The following COL4A6 variants were observed in gnomAD, a reference collection of about 807,000 sequenced individuals.
COL4A6 encodes the protein collagen type IV alpha 6 chain, also known as collagen alpha-6(IV) chain.
A neutral mutation model predicts 126.7 loss-of-function variants in COL4A6; 59 were observed. The ratio of observed to expected loss-of-function variants is 0.47; its 90% CI spans 0.38 to 0.58. COL4A6 has a LOEUF of 0.58. Ranked by LOEUF, COL4A6 falls within the 20% of genes least tolerant of loss-of-function variation. COL4A6 has a pLI of 0.00. For synonymous variants in COL4A6, 547 were observed against 496.6 expected, an observed-to-expected ratio of 1.10 and a Z score of -1.35; for missense variants, 1,285 against 1,337.3, an observed-to-expected ratio of 0.96 and a Z score of 0.61.
chrX:108,235,800 A>G (rs2036415134), intron 3 of COL4A6, among the ~76,000 whole-genome samples: 1 of 111,455 alleles, frequency 9.0e-6, no homozygotes, highest in Non-Finnish European at 1.9e-5. Context: ...AGAGCTAGGG[A>G]TAAATCAGGA....
At chrX:108,306,107 A>G (rs1212317642) in intron 3 of COL4A6, among the ~76,000 whole-genome samples, 1 of 112,269 alleles carries the variant, frequency 8.9e-6, no homozygotes, top group Non-Finnish European at 1.9e-5. Flanking sequence ...ACAGTAGGAA[A>G]AGAACTAGGA....
At position 108,205,774 on chromosome X, in the gene COL4A6, T is replaced by C. The variant is rs1471451857; in HGVS notation, c.610-79A>G. On this transcript the variant is annotated intron_variant, in intron 9 of 44. Transcript: ENST00000334504. ...AAGAACACGGCATGTTGAGAGTCACTCCCCAGTAACTCAGCCATCTTTCCT... is the reference window on the plus strand; with the variant it reads ...AAGAACACGGCATGTTGAGAGTCACCCCCCAGTAACTCAGCCATCTTTCCT... The C allele has an allele frequency of 1.1e-5, 9 of 851,076 alleles. No homozygotes were observed. In the African/African-American group the frequency reaches 1.2e-4, roughly 12 times the overall value. 70.1% of individuals were successfully genotyped at this position (851,076 alleles called of 1,213,427 possible).
chrX:108,362,281 C>T (rs2040104706), intron 2 of COL4A6, among the ~76,000 whole-genome samples: 1 of 112,238 alleles, frequency 8.9e-6, no homozygotes, highest in Non-Finnish European at 1.9e-5. Context: ...GATCTTTCCT[C>T]TTACAATAAG....
intron 2 of COL4A6, among the ~76,000 whole-genome samples, chrX:108,347,952 A>T (rs1053531061): frequency 1.8e-5 from 2 of 110,512 alleles, no homozygotes; most frequent in Non-Finnish European, 3.8e-5. Context: ...GGCAGCAGGA[A>T]ACAAGCAGCA....
chrX:108,435,103 C>T (rs1405278375), intron 2 of COL4A6, among the ~76,000 whole-genome samples: 1 of 111,295 alleles, frequency 9.0e-6, no homozygotes, highest in Admixed American at 9.6e-5. Flanking sequence ...GATTTGAGTG[C>T]AGCTAAAGGC....
In COL4A6 at chrX:108,278,194, G is replaced by A. The variant is rs749869457; in HGVS notation, c.144+32554C>T. Among the ~76,000 whole-genome samples the A allele has an allele frequency of 5.7e-3, 642 of 111,767 alleles. 4 individuals carry two copies. Among genetic ancestry groups the A allele is most frequent in the African/African-American group, 0.019 (595 of 30,739 alleles). On this transcript the variant is annotated intron_variant, in intron 3 of 44. Transcript: ENST00000334504. ...AGGCTTCAGACGATCAAACTACTCC[G>A]AGCTACAGGAGGAAATTCAAACCAA...
intron 3 of COL4A6, among the ~76,000 whole-genome samples, chrX:108,255,423 G>A (rs952253463): frequency 3.6e-5 from 4 of 110,546 alleles, no homozygotes; most frequent in African/African-American, 1.3e-4. Context: ...GGGGCTGAAG[G>A]AACTTGTGTG....
At chrX:108,351,849 C>G (rs949125709) in intron 2 of COL4A6, among the ~76,000 whole-genome samples, 2 of 111,921 alleles carry the variant, frequency 1.8e-5, no homozygotes, top group Non-Finnish European at 3.8e-5. Flanking sequence ...TCAACATCCA[C>G]GCATACACAC....
intron 25 of COL4A6, 89 bp from the exon 26 acceptor site, chrX:108,179,527 T>G: frequency 1.4e-6 from 1 of 700,467 alleles, no homozygotes. Flanking sequence ...TTTTCTAATA[T>G]GAAAGCTAAC....
chrX:108,169,573 T>C lies in COL4A6; in HGVS notation c.3613A>G (p.Lys1205Glu). The C allele has an allele frequency of 8.3e-7, 1 of 1,211,367 alleles. No individual in the cohort carries two copies. Among genetic ancestry groups the C allele is most frequent in the Non-Finnish European group, 1.1e-6 (1 of 895,364 alleles). Residue 1205 changes from lysine (K) to glutamate (E), a missense_variant, in exon 37 of 45, where the codon AAA (lysine) becomes GAA (glutamate). Physicochemically the swap from Lys to Glu is moderately conservative, Grantham distance 56. Transcript: ENST00000334504. ...ATTCCTGGATATCCTTTTTCTCCTT[T>C]GGGTCCAGGGAGACCAGCAGGCCCA... The part of the protein sequence containing the change: ...VPGPAGLPGP[K>E]GEKGYPGIGI...
At chrX:108,358,394 T>C (rs1466662723) in intron 2 of COL4A6, among the ~76,000 whole-genome samples, 1 of 101,723 alleles carries the variant, frequency 9.8e-6, no homozygotes, top group South Asian at 4.5e-4. Flanking sequence ...GATAATGACT[T>C]TTTTTTTTTT....
chrX:108,357,523 T>C (rs777981708), intron 2 of COL4A6, among the ~76,000 whole-genome samples: 2 of 111,275 alleles, frequency 1.8e-5, no homozygotes, highest in Admixed American at 1.9e-4. Flanking sequence ...AGATAGATGG[T>C]CACTCTTAAA....
At chrX:108,367,591 A>G (rs2040231108) in intron 2 of COL4A6, among the ~76,000 whole-genome samples, 1 of 112,279 alleles carries the variant, frequency 8.9e-6, no homozygotes, top group Non-Finnish European at 1.9e-5. Flanking sequence ...ATAGTTTTAC[A>G]AAACAATTAT....
At chrX:108,309,801 AACACACACAC>A (rs4036315) in intron 3 of COL4A6, among the ~76,000 whole-genome samples, 940 of 80,882 alleles carry the variant, frequency 0.012, 9 homozygotes, top group African/African-American at 0.029. Flanking sequence ...TAATCCTGGA[AACACACACAC>A]ACACACACAC....
intron 20 of COL4A6, among the ~76,000 whole-genome samples, chrX:108,189,507 C>G (rs766501982): frequency 8.9e-6 from 1 of 112,411 alleles, no homozygotes; most frequent in Admixed American, 9.4e-5. Flanking sequence ...CATGGAAATA[C>G]AGAATGGGGA....
intron 3 of COL4A6, among the ~76,000 whole-genome samples, chrX:108,285,551 CA>C (rs1455964535): frequency 9.0e-6 from 1 of 111,476 alleles, no homozygotes; most frequent in African/African-American, 3.3e-5. Flanking sequence ...TGACTTCCTG[CA>C]GATTTTTTTT....
chrX:108,185,063 A>G (rs1259664615), intron 23 of COL4A6, among the ~76,000 whole-genome samples: 1 of 112,128 alleles, frequency 8.9e-6, no homozygotes, highest in Non-Finnish European at 1.9e-5. Context: ...TATAGCTGAC[A>G]CTAGGACTTC....
At chrX:108,320,555 G>C (rs1321439561) in intron 2 of COL4A6, among the ~76,000 whole-genome samples, 5 of 111,410 alleles carry the variant, frequency 4.5e-5, no homozygotes, top group African/African-American at 1.6e-4. Flanking sequence ...TAGGATCAAT[G>C]GATGATTGAC....
At chrX:108,262,303 GA>G (rs1316086431) in intron 3 of COL4A6, among the ~76,000 whole-genome samples, 1 of 111,326 alleles carries the variant, frequency 9.0e-6, no homozygotes, top group Non-Finnish European at 1.9e-5. Context: ...TGCTCCTTAG[GA>G]TTGACCCTTG....
Sources: gnomAD v4.1 joint callset for allele counts (sites outside exome capture counted in the v4.1 genomes callset) on GRCh38, gnomAD v4.1.1 for gene constraint, MANE v1.5 for transcripts, NCBI Gene and HGNC (gene_info 2026-07-23, HGNC 2026-07-21) for gene names.